OTUD7A: variants seen among roughly 807,000 people sequenced by gnomAD.
OTUD7A encodes the protein OTU deubiquitinase 7A, also known as OTU domain-containing protein 7A.
In OTUD7A, 12 loss-of-function variants were observed where a neutral mutation model predicts 65.7. That is an observed-to-expected ratio of 0.18 (90% CI 0.12 to 0.30). OTUD7A has a LOEUF of 0.30. OTUD7A is among the 10% of genes least tolerant of loss of function. OTUD7A has a pLI of 1.00. For synonymous variants in OTUD7A, 641 were observed against 586.3 expected (o/e 1.09, Z -1.35); for missense variants, 1,148 against 1,304.8 (o/e 0.88, Z 1.85).
intron 1 of OTUD7A, chr15:31,766,450 GAAGTA>G: frequency 1.3e-6 from 2 of 1,582,684 alleles, no homozygotes; most frequent in Middle Eastern, 1.7e-4. Flanking sequence ...GAAGAAGCTG[GAAGTA>G]AAGAGTCTTC....
Position 31,570,102 on chromosome 15 carries a change from C to A in OTUD7A, c.247G>T (p.Gly83Cys), listed in dbSNP as rs144295571. ...GGCTCTCGCTCTGGCTGCTTGGGAC[C>A]CCGCCCTTCATTGAACACATGTGGC... The part of the protein sequence containing the change: ...NLPHVFNEGR[G>C]PKQPEREPQP... Residue 83 changes from glycine (G) to cysteine (C), a missense_variant, in exon 4 of 13, where the codon GGT (glycine) becomes TGT (cysteine). Coordinates refer to ENST00000307050, the MANE Select transcript of OTUD7A (RefSeq NM_001382637.1). The A allele has an allele frequency of 6.2e-7, 1 of 1,614,190 alleles. No individual in the cohort carries two copies. Among genetic ancestry groups the A allele is most frequent in the Middle Eastern group, 1.6e-4 (1 of 6,062 alleles).
At chr15:31,622,451 CTTTG>C (rs1225088149) in intron 3 of OTUD7A, among the ~76,000 whole-genome samples, 22 of 152,148 alleles carry the variant, frequency 1.4e-4, no homozygotes, top group Admixed American at 1.3e-3. Context: ...TTCTTGGAGG[CTTTG>C]TTTGTTTCTT....
intron 1 of OTUD7A, among the ~76,000 whole-genome samples, chr15:31,768,537 T>C (rs1895148277): frequency 6.6e-6 from 1 of 151,992 alleles, no homozygotes; most frequent in South Asian, 2.1e-4. Flanking sequence ...CACATGCCTG[T>C]GGTCCTAGCT....
intron 1 of OTUD7A, among the ~76,000 whole-genome samples, chr15:31,762,073 T>C (rs191264643): frequency 6.6e-6 from 1 of 152,360 alleles, no homozygotes; most frequent in African/African-American, 2.4e-5. Context: ...ATTGTGCGAA[T>C]AGTTTCATAT....
intron 4 of OTUD7A, among the ~76,000 whole-genome samples, chr15:31,561,418 G>C (rs1888684837): frequency 6.6e-6 from 1 of 152,190 alleles, no homozygotes; most frequent in Admixed American, 6.5e-5. Context: ...GGGACATCAG[G>C]CATTAGAGAA....
At chr15:31,675,999 A>G (rs1013121895) in intron 1 of OTUD7A, among the ~76,000 whole-genome samples, 2 of 152,172 alleles carry the variant, frequency 1.3e-5, no homozygotes, top group Non-Finnish European at 2.9e-5. Context: ...TTTTTGTGGA[A>G]GCTGACAAAC....
In OTUD7A at chr15:31,481,045, CGG is replaced by C. The variant is rs2041110112; in HGVS notation, c.*2247_*2248del. 6.6e-6 allele frequency: 1 copy of C among 152,144 alleles called. No homozygotes were observed. Among genetic ancestry groups the C allele is most frequent in the South Asian group, 2.1e-4 (1 of 4,826 alleles). 9.4% of individuals were successfully genotyped at this position (152,144 alleles called of 1,614,324 possible). ...GAAGGTTTTCCTCTATTACAATGGA[CGG>C]TTTTTATTCTGTTTTATTTTTTTAT... On this transcript the variant is annotated 3_prime_UTR_variant, in exon 13 of 13. Transcript: ENST00000307050.
intron 1 of OTUD7A, among the ~76,000 whole-genome samples, chr15:31,829,909 A>G (rs948233798): frequency 6.6e-6 from 1 of 152,182 alleles, no homozygotes; most frequent in African/African-American, 2.4e-5. Flanking sequence ...CAAAGTGAAC[A>G]CGACAATCTC....
At chr15:31,632,625 G>A (rs1201928759) in intron 3 of OTUD7A, among the ~76,000 whole-genome samples, 1 of 152,200 alleles carries the variant, frequency 6.6e-6, no homozygotes, top group African/African-American at 2.4e-5. Flanking sequence ...CTGTGTGCTG[G>A]GAGAACCACT....
At chr15:31,734,466 A>G (rs1894131002) in intron 1 of OTUD7A, among the ~76,000 whole-genome samples, 1 of 152,242 alleles carries the variant, frequency 6.6e-6, no homozygotes, top group African/African-American at 2.4e-5. Flanking sequence ...AAGCAAAAAG[A>G]ACAAAGCTGG....
intron 1 of OTUD7A, among the ~76,000 whole-genome samples, chr15:31,821,287 C>T (rs1567040936): frequency 6.7e-6 from 1 of 149,762 alleles, no homozygotes; most frequent in Non-Finnish European, 1.5e-5. Context: ...AGGCGTGTGC[C>T]ACCACGCCCA....
chr15:31,484,349 C>G lies in OTUD7A; in HGVS notation c.1747G>C (p.Gly583Arg), dbSNP rs1595549019. Residue 583 changes from glycine to arginine, a missense_variant, in exon 13 of 13, where the codon GGT (glycine) becomes CGT (arginine). By Grantham distance (125) the Gly-to-Arg change is moderately radical. Around this residue, in one of 6 missense-constraint regions of OTUD7A, gnomAD observed 842 missense variants for 769.5 expected, o/e 1.09. Coordinates refer to ENST00000307050, the MANE Select transcript of OTUD7A (RefSeq NM_001382637.1). This position sits in a 1 kb window ranked among gnomAD's most constrained non-coding sequence, Gnocchi z 4.5. ...GACGGCGACGTGCTGGCCGACGCAC[C>G]AGACTCCTCCTTGCTGCCCTTGCGC... ...KSRKGSKEESGASASTSPSEK... is the reference protein window; with the variant it reads ...KSRKGSKEESRASASTSPSEK... The G allele has an allele frequency of 6.2e-6, 10 of 1,601,152 alleles. No homozygotes were observed. The highest frequency in any genetic ancestry group is 7.6e-6 in the Non-Finnish European group (9 of 1,179,560).
intron 5 of OTUD7A, among the ~76,000 whole-genome samples, chr15:31,545,413 G>A (rs1026430296): frequency 1.3e-5 from 2 of 152,070 alleles, no homozygotes; most frequent in Non-Finnish European, 2.9e-5. Flanking sequence ...AAAAAGGTAA[G>A]TTGAACTATT....
intron 1 of OTUD7A, among the ~76,000 whole-genome samples, chr15:31,802,109 G>A (rs200449199): frequency 4.2e-5 from 2 of 47,868 alleles, no homozygotes; most frequent in South Asian, 9.7e-4. Context: ...ATATATGTGT[G>A]TGTGTGTGTG....
At chr15:31,765,297 T>A (rs187543038) in intron 1 of OTUD7A, among the ~76,000 whole-genome samples, 1 of 152,164 alleles carries the variant, frequency 6.6e-6, no homozygotes, top group African/African-American at 2.4e-5. Context: ...ATTTGGCAGC[T>A]GAGAATTATT....
chr15:31,681,874 G>T (rs906264598), intron 1 of OTUD7A, among the ~76,000 whole-genome samples: 1 of 151,330 alleles, frequency 6.6e-6, no homozygotes, highest in Non-Finnish European at 1.5e-5. Context: ...ATTAGGCAGG[G>T]TCTCTACCTT....
chr15:31,510,951 T>TATATGTATATCTATATGTAAC lies in OTUD7A; in HGVS notation c.894-7154_894-7134dup, dbSNP rs1419758512. 8.0e-3 allele frequency among the ~76,000 whole-genome samples: 111 copies of TATATGTATATCTATATGTAAC among 13,958 alleles called. 7 individuals are homozygous for TATATGTATATCTATATGTAAC. Among genetic ancestry groups the TATATGTATATCTATATGTAAC allele is most frequent in the Non-Finnish European group, 0.01 (78 of 7,672 alleles). The allele number at this position is 13,958 out of a possible 152,430, so 9.2% of individuals were successfully genotyped here. On this transcript the variant is annotated intron_variant, in intron 8 of 12. Coordinates refer to ENST00000307050, the MANE Select transcript of OTUD7A (RefSeq NM_001382637.1). ...CATATATGTATATCTATATGTAACA[T>TATATGTATATCTATATGTAAC]ATATGTATATCTATATGTAACATAT...
intron 10 of OTUD7A, among the ~76,000 whole-genome samples, chr15:31,495,348 G>T (rs534605213): frequency 1.3e-5 from 2 of 152,302 alleles, no homozygotes; most frequent in East Asian, 3.9e-4. Context: ...CTGGGCACCT[G>T]CCCACTCTAT....
intron 3 of OTUD7A, among the ~76,000 whole-genome samples, chr15:31,641,172 TAA>T (rs34718929): frequency 0.29 from 43,404 of 151,754 alleles, 7,309 homozygotes; most frequent in African/African-American, 0.47. Flanking sequence ...GAAGGTTTTA[TAA>T]GTGTCTGGCC....
Sources: allele counts gnomAD v4.1 joint callset (sites outside exome capture counted in the v4.1 genomes callset), GRCh38; gene constraint gnomAD v4.1.1; regional missense constraint gnomAD v4.1.1; non-coding constraint Gnocchi (gnomAD v3.1); transcripts MANE v1.5; gene names NCBI Gene and HGNC (gene_info 2026-07-23, HGNC 2026-07-21).